Variants in BAIAP2L1 observed in about 807,000 individuals in gnomAD.
BAIAP2L1 encodes the protein BAR/IMD domain-containing adapter protein 2-like 1.
Under a neutral mutation model 66.3 loss-of-function variants are expected in BAIAP2L1, and 35 were observed. The observed-to-expected ratio is 0.53, with a 90% confidence interval of 0.40 to 0.70. The LOEUF is 0.70. Ranked by LOEUF, BAIAP2L1 falls within the 30% of genes least tolerant of loss-of-function variation. The pLI is 0.00. For synonymous variants in BAIAP2L1, 269 were observed against 248.7 expected (o/e 1.08, Z -0.77); for missense variants, 622 against 656.9 (o/e 0.95, Z 0.58).
At chr7:98,296,043 A>T (rs1417101269) in intron 12 of BAIAP2L1, among the ~76,000 whole-genome samples, 3 of 152,080 alleles carry the variant, frequency 2.0e-5, no homozygotes, top group African/African-American at 7.2e-5. Flanking sequence ...GAAACAGCCC[A>T]GACCAGAAAC....
chr7:98,362,334 T>C, intron 2 of BAIAP2L1, 23 bp downstream of exon 2: 2 of 1,551,638 alleles, frequency 1.3e-6, no homozygotes, highest in Non-Finnish European at 1.8e-6. Context: ...TTATATATAA[T>C]CAATTCAGAA....
chr7:98,398,128 T>C (rs1026705821), intron 1 of BAIAP2L1, among the ~76,000 whole-genome samples: 4 of 152,130 alleles, frequency 2.6e-5, no homozygotes, highest in African/African-American at 7.2e-5. Flanking sequence ...AAAAAATCAT[T>C]TGCAGGTGGC....
chr7:98,312,104 C>T lies in BAIAP2L1; in HGVS notation c.800G>A (p.Ser267Asn), dbSNP rs1412948506. The change falls in exon 8 of 14, where the codon AGC becomes AAC. Residue 267 changes from serine to asparagine, a missense_variant. Ser to Asn is a conservative substitution (Grantham distance 46, BLOSUM62 1). Transcript: ENST00000005260. ...GAGAAAACTGGCTCCTACCACATTG[C>T]TTCTCTCGATCATGGGTGAAGCCTG... ...TPQASPMIER[S>N]NVVRKDYDTL... 2 of 1,596,830 alleles carry T rather than the reference C, an allele frequency of 1.3e-6. No homozygotes were observed. The highest frequency in any genetic ancestry group is 2.2e-5 in the East Asian group (1 of 44,488).
intron 3 of BAIAP2L1, among the ~76,000 whole-genome samples, chr7:98,354,064 C>T (rs1802067097): frequency 6.6e-6 from 1 of 152,120 alleles, no homozygotes; most frequent in African/African-American, 2.4e-5. Flanking sequence ...ACTAACAAGG[C>T]ATCACTTCCA....
chr7:98,355,812 T>C (rs1172608530), intron 2 of BAIAP2L1, among the ~76,000 whole-genome samples: 3 of 152,202 alleles, frequency 2.0e-5, no homozygotes, highest in African/African-American at 7.2e-5. Flanking sequence ...ACTCCAGGTC[T>C]GCAACATTCT....
chr7:98,338,405 G>C (rs570006952), intron 3 of BAIAP2L1, among the ~76,000 whole-genome samples: 6 of 145,690 alleles, frequency 4.1e-5, no homozygotes, highest in African/African-American at 1.5e-4. Context: ...CTGGGCCACA[G>C]AGCAAGACTC....
chr7:98,293,528 A>G lies in BAIAP2L1; in HGVS notation c.1529T>C (p.Ile510Thr), dbSNP rs772784086. ...TVTNDRSAPI[I>T]R ...GAGTCCTTGGCTGTCCTCTCATCGA[A>G]TGATGGGTGCCGAGCGATCATTCGT... The change falls in exon 14 of 14, where the codon ATT becomes ACT. Residue 510 changes from isoleucine (I) to threonine (T), a missense_variant. Physicochemically the swap from Ile to Thr is moderately conservative, Grantham distance 89 (BLOSUM62 -1). Coordinates refer to ENST00000005260, the MANE Select transcript of BAIAP2L1 (RefSeq NM_018842.5). The G allele has an allele frequency of 1.5e-5, 25 of 1,613,288 alleles. No individual in the cohort carries two copies. Among genetic ancestry groups the G allele is most frequent in the Non-Finnish European group, 1.9e-5 (23 of 1,179,742 alleles).
chr7:98,375,829 C>G (rs1584495756), intron 1 of BAIAP2L1, among the ~76,000 whole-genome samples: 1 of 151,602 alleles, frequency 6.6e-6, no homozygotes, highest in Admixed American at 6.6e-5. Flanking sequence ...AGCACTAAAG[C>G]ACTAGAGATA....
chr7:98,394,756 T>C (rs1803160056), intron 1 of BAIAP2L1, among the ~76,000 whole-genome samples: 1 of 152,210 alleles, frequency 6.6e-6, no homozygotes, highest in African/African-American at 2.4e-5. Context: ...TGAGGGCCTA[T>C]GGCCATCAGA....
chr7:98,384,599 C>T (rs139761617), intron 1 of BAIAP2L1, among the ~76,000 whole-genome samples: 1 of 151,908 alleles, frequency 6.6e-6, no homozygotes, highest in Non-Finnish European at 1.5e-5. Flanking sequence ...TGACTTACTG[C>T]ACTAGTTCTT....
At chr7:98,367,550 TTG>T (rs1491087637) in intron 1 of BAIAP2L1, among the ~76,000 whole-genome samples, 5 of 148,292 alleles carry the variant, frequency 3.4e-5, no homozygotes, top group Non-Finnish European at 6.0e-5. Flanking sequence ...TTTTTTTTTT[TTG>T]TGAGACGGAG....
chr7:98,307,939 G>A, intron 9 of BAIAP2L1, 43 bp from the exon 10 acceptor site: 1 of 1,575,652 alleles, frequency 6.3e-7, no homozygotes, highest in Non-Finnish European at 8.7e-7. Context: ...CAAAGCATGA[G>A]AATCAATAGG....
rs767798428 is a variant in BAIAP2L1, at chr7:98,393,009, GTATA to G, written c.51+7789_51+7792del. Reference sequence around the variant, plus strand: ...TATATGTAATTTTTGTAATTTTTGTGTATATATATACATACACACATATATATAC... The same window carrying G: ...TATATGTAATTTTTGTAATTTTTGTGTATATACATACACACATATATATAC... On this transcript the variant is annotated intron_variant, in intron 1 of 13. Transcript: ENST00000005260. Among the ~76,000 whole-genome samples, 39 of 145,550 alleles carry G rather than the reference GTATA, an allele frequency of 2.7e-4. 1 individual carries two copies. Among genetic ancestry groups the G allele is most frequent in the Non-Finnish European group, 2.2e-4 (15 of 67,062 alleles).
At chr7:98,373,056 G>C (rs149215587) in intron 1 of BAIAP2L1, among the ~76,000 whole-genome samples, 4 of 152,280 alleles carry the variant, frequency 2.6e-5, no homozygotes, top group African/African-American at 7.2e-5. Context: ...AATTTTATTT[G>C]TAGGAAATCT....
At chr7:98,353,961 C>CAATAA (rs72080714) in intron 3 of BAIAP2L1, among the ~76,000 whole-genome samples, 1,948 of 139,316 alleles carry the variant, frequency 0.014, 51 homozygotes, top group African/African-American at 0.05. Context: ...GACTCTGTCT[C>CAATAA]AATAAAATAA....
chr7:98,323,154 G>A (rs1801294888), intron 3 of BAIAP2L1: 1 of 152,248 alleles, frequency 6.6e-6, no homozygotes, highest in Admixed American at 6.6e-5. Context: ...TCCAGAACGG[G>A]GCATGAGAAA....
At chr7:98,351,300 G>C (rs1461798306) in intron 3 of BAIAP2L1, among the ~76,000 whole-genome samples, 1 of 152,198 alleles carries the variant, frequency 6.6e-6, no homozygotes, top group African/African-American at 2.4e-5. Flanking sequence ...ATTTCTATCA[G>C]TCCTGCCCTT....
intron 11 of BAIAP2L1, among the ~76,000 whole-genome samples, chr7:98,305,367 G>C (rs1800615431): frequency 6.6e-6 from 1 of 151,880 alleles, no homozygotes; most frequent in African/African-American, 2.4e-5. Context: ...CATCCTAAAA[G>C]TGTTACTCAG....
chr7:98,311,058 CCA>C (rs927901039), intron 8 of BAIAP2L1, among the ~76,000 whole-genome samples: 9 of 151,436 alleles, frequency 5.9e-5, no homozygotes, highest in Non-Finnish European at 1.2e-4. Context: ...ATCCCAATCT[CCA>C]CAGAGCCCAG....
Sources: allele counts gnomAD v4.1 joint callset (sites outside exome capture counted in the v4.1 genomes callset), GRCh38; gene constraint gnomAD v4.1.1; transcripts MANE v1.5; gene names NCBI Gene and HGNC (gene_info 2026-07-23, HGNC 2026-07-21).